The following AFG2A variants were observed in gnomAD, a reference collection of about 807,000 sequenced individuals.
AFG2A encodes the protein ATPase family gene 2 protein homolog A.
the AFG2A span, among the ~76,000 whole-genome samples, chr4:123,118,995 A>G: frequency 3.7e-3 from 561 of 152,236 alleles, 2 homozygotes; most frequent in African/African-American, 0.012. Context: ...AGTGTTTGGC[A>G]TCTATCAAGT....
chr4:122,951,440 A>ACACACT, the AFG2A span, among the ~76,000 whole-genome samples: 1 of 151,056 alleles, frequency 6.6e-6, no homozygotes, highest in Non-Finnish European at 1.5e-5. Flanking sequence ...AAGTACACAC[A>ACACACT]CACACACACA....
At chr4:123,273,332 ACT>A in the AFG2A span, among the ~76,000 whole-genome samples, 1 of 152,240 alleles carries the variant, frequency 6.6e-6, no homozygotes, top group East Asian at 1.9e-4. Context: ...GTGTAAACAT[ACT>A]GAGTTTGAGG....
At chr4:123,091,902 A>G in the AFG2A span, among the ~76,000 whole-genome samples, 1 of 152,202 alleles carries the variant, frequency 6.6e-6, no homozygotes, top group Admixed American at 6.5e-5. Flanking sequence ...TTTATGAGCT[A>G]CTTTCTTCCT....
the AFG2A span, among the ~76,000 whole-genome samples, chr4:123,113,776 A>T: frequency 5.3e-5 from 8 of 152,256 alleles, 1 homozygote; most frequent in South Asian, 1.5e-3. Context: ...TCTAGGAAGA[A>T]TGAGGTACAT....
At chr4:122,934,261 A>G in the AFG2A span, 3 of 1,614,232 alleles carry the variant, frequency 1.9e-6, no homozygotes, top group Non-Finnish European at 2.5e-6. Flanking sequence ...ACAGTCCAGC[A>G]TGGAAACCAG....
the AFG2A span, among the ~76,000 whole-genome samples, chr4:123,297,675 T>C: frequency 4.0e-5 from 6 of 150,686 alleles, no homozygotes; most frequent in East Asian, 9.8e-4. Context: ...GCCGAGATTG[T>C]GCCACTGCAC....
the AFG2A span, among the ~76,000 whole-genome samples, chr4:123,257,416 T>C: frequency 6.6e-6 from 1 of 152,170 alleles, no homozygotes; most frequent in Non-Finnish European, 1.5e-5. Flanking sequence ...CAAAAACATA[T>C]ATGCATTTTT....
At chr4:122,956,875 C>T in the AFG2A span, among the ~76,000 whole-genome samples, 44 of 152,166 alleles carry the variant, frequency 2.9e-4, no homozygotes, top group East Asian at 7.9e-3. Flanking sequence ...AATTTGAAAA[C>T]AGTATGCTGG....
At chr4:123,306,892 A>G in the AFG2A span, among the ~76,000 whole-genome samples, 1 of 152,318 alleles carries the variant, frequency 6.6e-6, no homozygotes, top group East Asian at 1.9e-4. Flanking sequence ...GTAGTTGGCT[A>G]GTAATTCATT....
chr4:123,190,388 G>A, the AFG2A span, among the ~76,000 whole-genome samples: 4 of 152,102 alleles, frequency 2.6e-5, no homozygotes, highest in Non-Finnish European at 5.9e-5. Context: ...AATGATCAAG[G>A]CAAAAAATAA....
chr4:123,261,985 A>T, the AFG2A span, among the ~76,000 whole-genome samples: 1 of 152,108 alleles, frequency 6.6e-6, no homozygotes, highest in Non-Finnish European at 1.5e-5. Context: ...CATGTTGCCC[A>T]GCCTGGTCTT....
chr4:122,974,860 G>A, the AFG2A span, among the ~76,000 whole-genome samples: 133 of 152,094 alleles, frequency 8.7e-4, no homozygotes, highest in East Asian at 0.015. Flanking sequence ...GGCTGGTCTC[G>A]AACTCTTGAT....
the AFG2A span, among the ~76,000 whole-genome samples, chr4:123,006,959 T>G: frequency 2.0e-5 from 3 of 152,036 alleles, no homozygotes; most frequent in Non-Finnish European, 2.9e-5. Context: ...TTTCTTCTCT[T>G]TTTGTAAAAG....
At chr4:123,242,160 A>G in the AFG2A span, among the ~76,000 whole-genome samples, 1 of 151,902 alleles carries the variant, frequency 6.6e-6, no homozygotes, top group Non-Finnish European at 1.5e-5. Context: ...GGAAGAATCA[A>G]TATTGTGAAA....
chr4:123,305,243 C>T, the AFG2A span, among the ~76,000 whole-genome samples: 1 of 152,014 alleles, frequency 6.6e-6, no homozygotes. Context: ...TTGAGGATAT[C>T]GATAATCTCT....
the AFG2A span, among the ~76,000 whole-genome samples, chr4:123,091,593 C>A: frequency 0.027 from 4,133 of 152,224 alleles, 80 homozygotes; most frequent in Non-Finnish European, 0.035. Context: ...AAGTACTGTC[C>A]TAATTGTTGT....
chr4:123,196,407 A>T, the AFG2A span, among the ~76,000 whole-genome samples: 80,164 of 151,782 alleles, frequency 0.53, 24,430 homozygotes, highest in Non-Finnish European at 0.67. Flanking sequence ...TATCACTAAG[A>T]CATCATGCCA....
At chr4:123,222,915 C>T in the AFG2A span, among the ~76,000 whole-genome samples, 1 of 152,162 alleles carries the variant, frequency 6.6e-6, no homozygotes, top group East Asian at 1.9e-4. Flanking sequence ...GTATATGCCA[C>T]ATTTTCTTTA....
chr4:122,964,270 G>A, the AFG2A span, among the ~76,000 whole-genome samples: 78 of 152,094 alleles, frequency 5.1e-4, no homozygotes, highest in Non-Finnish European at 1.0e-3. Context: ...TCGGGAGGCT[G>A]AGGCGGGTGG....
Sources: gnomAD v4.1 joint callset for allele counts (sites outside exome capture counted in the v4.1 genomes callset) on GRCh38, gnomAD v4.1.1 for gene constraint, MANE v1.5 for transcripts, NCBI Gene and HGNC (gene_info 2026-07-23, HGNC 2026-07-21) for gene names.